Variants in URB2 observed in about 807,000 individuals in gnomAD.
URB2 encodes the protein URB2 ribosome biogenesis homolog.
A neutral mutation model predicts 120.9 loss-of-function variants in URB2; 86 were observed. That is an observed-to-expected ratio of 0.71 (90% confidence interval 0.60 to 0.85). The LOEUF is 0.85. Ranked by LOEUF, URB2 falls within the 40% of genes least tolerant of loss-of-function variation. The probability of loss-of-function intolerance (pLI) is 0.00; values close to 1 mark genes in which losing one functional copy is unlikely to be tolerated. For synonymous variants in URB2, 755 were observed against 758.4 expected (o/e 1.00, Z 0.07); for missense variants, 1,765 against 1,836.5 (o/e 0.96, Z 0.71).
In URB2 at chr1:229,644,593, G is replaced by A. The variant is rs1353890610; in HGVS notation, c.3795+900G>A. Among the ~76,000 whole-genome samples the A allele has an allele frequency of 3.9e-5, 6 of 152,168 alleles. No homozygotes were observed. The South Asian group carries it at 1.0e-3, about 26-fold the overall frequency. ...AGAGTGAGAAGATGGACAGGGAGAA[G>A]TGGTGCCAGGGGGGCAGGCCCTGGT... On this transcript the variant is annotated intron_variant, in intron 5 of 9. Coordinates refer to ENST00000258243, the MANE Select transcript of URB2 (RefSeq NM_014777.4).
At chr1:229,632,159 C>A in intron 2 of URB2, 110 bp from the exon 3 acceptor site, 1 of 903,844 alleles carries the variant, frequency 1.1e-6, no homozygotes, top group Non-Finnish European at 1.5e-6. Context: ...TTCTCCCCCG[C>A]CGCCCCCGTG....
chr1:229,628,317 A>C (rs1227623701), intron 2 of URB2, among the ~76,000 whole-genome samples: 1 of 132,658 alleles, frequency 7.5e-6, no homozygotes, highest in African/African-American at 3.1e-5. Context: ...ACTACTTGGG[A>C]GGCTGAGGTG....
At chr1:229,631,982 A>G (rs1166225628) in intron 2 of URB2, among the ~76,000 whole-genome samples, 1 of 152,244 alleles carries the variant, frequency 6.6e-6, no homozygotes, top group Non-Finnish European at 1.5e-5. Flanking sequence ...GTATGCCTGT[A>G]TAACCTCAAA....
At chr1:229,639,584 C>T (rs554014278) in intron 4 of URB2, among the ~76,000 whole-genome samples, 1 of 152,266 alleles carries the variant, frequency 6.6e-6, no homozygotes, top group South Asian at 2.1e-4. Context: ...TATCCGCCCA[C>T]CTCAGCCTCC....
intron 4 of URB2, among the ~76,000 whole-genome samples, chr1:229,641,127 CT>C (rs1666000807): frequency 6.6e-6 from 1 of 151,466 alleles, no homozygotes; most frequent in African/African-American, 2.4e-5. Flanking sequence ...ATTCCCATGC[CT>C]CGGCCTCCTG....
chr1:229,644,236 C>T (rs1371858185), intron 5 of URB2, among the ~76,000 whole-genome samples: 4 of 152,210 alleles, frequency 2.6e-5, no homozygotes, highest in South Asian at 4.1e-4. Flanking sequence ...ACATCTCTTA[C>T]GCAAGGAAGA....
chr1:229,627,333 T>C (rs569125319), intron 1 of URB2, among the ~76,000 whole-genome samples: 2 of 152,342 alleles, frequency 1.3e-5, no homozygotes, highest in East Asian at 3.8e-4. Context: ...TCCTGAACAC[T>C]CACCTTTGTG....
intron 4 of URB2, among the ~76,000 whole-genome samples, chr1:229,640,962 A>G (rs1354567944): frequency 6.9e-6 from 1 of 145,236 alleles, no homozygotes; most frequent in African/African-American, 2.6e-5. Flanking sequence ...TAAAGAGAAT[A>G]TTGTGTCCTC....
rs145341533 is a variant in URB2, at chr1:229,629,834, C to T, written c.126+2075C>T. Among the ~76,000 whole-genome samples, 450 of 152,380 alleles carry T rather than the reference C, an allele frequency of 3.0e-3. 3 individuals are homozygous for T. Among genetic ancestry groups the T allele is most frequent in the African/African-American group, 0.01 (432 of 41,592 alleles). On this transcript the variant is annotated intron_variant, in intron 2 of 9. Transcript: ENST00000258243. ...AAATTGGACTTCTCAAAACCTGCCACTGCTTTATCAACTAAGTTTAAGTTC... is the reference window on the plus strand; with the variant it reads ...AAATTGGACTTCTCAAAACCTGCCATTGCTTTATCAACTAAGTTTAAGTTC...
At chr1:229,656,513 T>C (rs1374658737) in intron 9 of URB2, among the ~76,000 whole-genome samples, 1 of 152,266 alleles carries the variant, frequency 6.6e-6, no homozygotes, top group East Asian at 1.9e-4. Flanking sequence ...TTTCATTTTG[T>C]TTTTAAATTC....
At chr1:229,646,981 G>A (rs1558169901) in intron 6 of URB2, among the ~76,000 whole-genome samples, 1 of 152,214 alleles carries the variant, frequency 6.6e-6, no homozygotes, top group Admixed American at 6.5e-5. Context: ...GTTGGTGGAT[G>A]GCAGGGGTCA....
intron 2 of URB2, among the ~76,000 whole-genome samples, chr1:229,629,820 C>T (rs549884736): frequency 6.1e-4 from 93 of 152,320 alleles, no homozygotes; most frequent in African/African-American, 2.2e-3. Context: ...AATTGGACTT[C>T]TCAAAACCTG....
intron 3 of URB2, 76 bp from the exon 4 acceptor site, chr1:229,634,841 T>C (rs1665751404): frequency 1.5e-6 from 2 of 1,338,480 alleles, no homozygotes; most frequent in South Asian, 2.2e-5. Context: ...TTTGTTGATT[T>C]TTTTTTTTAA....
chr1:229,637,028 G>T lies in URB2; in HGVS notation c.2415G>T (p.Gln805His), dbSNP rs750869607. The T allele has an allele frequency of 1.2e-6, 2 of 1,614,046 alleles. No individual in the cohort carries two copies. The highest frequency in any genetic ancestry group is 1.7e-6 in the Non-Finnish European group (2 of 1,180,046). Reference protein sequence around the residue: ...FLHSPLFPEMQSLHSAFLTCV... With the variant: ...FLHSPLFPEMHSLHSAFLTCV... ...ATAGCCCTCTCTTTCCAGAGATGCA[G>T]TCCCTTCATTCTGCTTTCTTAACGT... The change falls in exon 4 of 10, where the codon CAG becomes CAT. Residue 805 changes from glutamine (Q) to histidine (H), a missense_variant. Coordinates refer to ENST00000258243, the MANE Select transcript of URB2 (RefSeq NM_014777.4).
At chr1:229,634,052 G>A (rs1422625339) in intron 3 of URB2, among the ~76,000 whole-genome samples, 2 of 151,646 alleles carry the variant, frequency 1.3e-5, no homozygotes, top group South Asian at 2.1e-4. Flanking sequence ...GGCTGTTCTC[G>A]AACGCCTGGC....
chr1:229,638,662 A>T (rs1486850675), intron 4 of URB2, among the ~76,000 whole-genome samples: 1 of 150,862 alleles, frequency 6.6e-6, no homozygotes, highest in Non-Finnish European at 1.5e-5. Flanking sequence ...AAAAAAAAGT[A>T]CTACATGTGG....
chr1:229,642,801 G>A (rs1666043483), intron 4 of URB2, among the ~76,000 whole-genome samples: 2 of 152,060 alleles, frequency 1.3e-5, no homozygotes, highest in Admixed American at 1.3e-4. Flanking sequence ...ACAACATAGG[G>A]GTTAAGGCAC....
chr1:229,653,241 T>C (rs1447805568), intron 8 of URB2, among the ~76,000 whole-genome samples: 3 of 152,220 alleles, frequency 2.0e-5, no homozygotes, highest in South Asian at 4.1e-4. Flanking sequence ...AAGATGTCTG[T>C]ATGCTTATTC....
chr1:229,646,335 G>A (rs1666146394), intron 6 of URB2, among the ~76,000 whole-genome samples: 1 of 152,102 alleles, frequency 6.6e-6, no homozygotes, highest in African/African-American at 2.4e-5. Context: ...TGTGGTCCAG[G>A]CTAAGGTGAA....
Sources: allele counts gnomAD v4.1 joint callset (sites outside exome capture counted in the v4.1 genomes callset), GRCh38; gene constraint gnomAD v4.1.1; transcripts MANE v1.5; gene names NCBI Gene and HGNC (gene_info 2026-07-23, HGNC 2026-07-21).